Variants in DNAH12 observed in about 807,000 individuals in gnomAD.
DNAH12 encodes the protein axonemal beta dynein heavy chain 12.
DNAH12 carries 285 observed loss-of-function variants against 371.5 expected under a neutral mutation model. The observed-to-expected ratio is 0.77, with a 90% CI of 0.70 to 0.85. DNAH12 has a LOEUF of 0.85. DNAH12 is among the 40% of genes least tolerant of loss of function. DNAH12 has a pLI of 0.00. For synonymous variants in DNAH12, 1,200 were observed against 1,213.0 expected, an observed-to-expected ratio of 0.99 and a Z score of 0.22; for missense variants, 3,611 against 3,689.4, an observed-to-expected ratio of 0.98 and a Z score of 0.55.
intron 60 of DNAH12, 55 bp from the exon 61 acceptor site, chr3:57,334,995 T>C: frequency 6.7e-7 from 1 of 1,497,816 alleles, no homozygotes; most frequent in Non-Finnish European, 8.9e-7. Flanking sequence ...AATTGAATGA[T>C]GTCAACTTCC....
intron 49 of DNAH12, among the ~76,000 whole-genome samples, chr3:57,382,616 T>C (rs1291520178): frequency 1.3e-5 from 2 of 151,892 alleles, no homozygotes; most frequent in African/African-American, 4.8e-5. Flanking sequence ...GAGGGGTCAG[T>C]CATAGATGCC....
At chr3:57,500,477 C>T (rs2067502245) in intron 11 of DNAH12, among the ~76,000 whole-genome samples, 1 of 152,218 alleles carries the variant, frequency 6.6e-6, no homozygotes, top group African/African-American at 2.4e-5. Context: ...CGAACTTCAT[C>T]ATATTCTAAA....
chr3:57,382,489 G>C (rs2063413375), intron 49 of DNAH12, 96 bp from the exon 50 acceptor site: 1 of 150,402 alleles, frequency 6.6e-6, no homozygotes. Flanking sequence ...AATAATAAAA[G>C]CATCCCTTTT....
rs905740462 is a variant in DNAH12, at chr3:57,466,911, G to A, written c.2349+1825C>T. Reference sequence around the variant, plus strand: ...CAGGTGTAGCTGAATTTTTTTTACCGTGCCTGGCTAATTTTTTATTTTTTG... The same window carrying A: ...CAGGTGTAGCTGAATTTTTTTTACCATGCCTGGCTAATTTTTTATTTTTTG... On this transcript the variant is annotated intron_variant, in intron 17 of 73. Coordinates refer to ENST00000495027, the MANE Select transcript of DNAH12 (RefSeq NM_001366028.2). 4.0e-5 allele frequency among the ~76,000 whole-genome samples: 6 copies of A among 150,824 alleles called. No individual in the cohort carries two copies. The East Asian group carries it at 5.9e-4, about 15-fold the overall frequency.
intron 70 of DNAH12, among the ~76,000 whole-genome samples, chr3:57,298,276 T>C (rs1432008620): frequency 1.3e-5 from 2 of 152,120 alleles, no homozygotes; most frequent in Non-Finnish European, 2.9e-5. Context: ...TGTGACCCAA[T>C]CAAAGCCAGA....
chr3:57,512,315 A>C (rs913948521), intron 4 of DNAH12: 4 of 152,186 alleles, frequency 2.6e-5, no homozygotes, highest in African/African-American at 9.6e-5. Flanking sequence ...GAAACAGAAA[A>C]CAAAATAGTA....
At chr3:57,436,593 C>A (rs752529127) in intron 30 of DNAH12, among the ~76,000 whole-genome samples, 3 of 152,146 alleles carry the variant, frequency 2.0e-5, no homozygotes, top group Non-Finnish European at 4.4e-5. Context: ...GGAACAACTT[C>A]CAGGTATGAT....
intron 37 of DNAH12, among the ~76,000 whole-genome samples, chr3:57,415,852 G>C (rs1319451360): frequency 6.8e-6 from 1 of 147,064 alleles, no homozygotes; most frequent in African/African-American, 2.5e-5. Flanking sequence ...GCAGTGACGT[G>C]ATCTTGGCTC....
intron 43 of DNAH12, chr3:57,402,430 C>G: frequency 7.7e-7 from 1 of 1,304,902 alleles, no homozygotes; most frequent in Non-Finnish European, 1.0e-6. Flanking sequence ...CAATAAAGCT[C>G]TAAAGAAACT....
intron 11 of DNAH12, among the ~76,000 whole-genome samples, chr3:57,491,162 T>C (rs1046903977): frequency 6.6e-6 from 1 of 150,980 alleles, no homozygotes; most frequent in Non-Finnish European, 1.5e-5. Context: ...GGATAAATTT[T>C]ACCATGATGA....
rs960222010 is a variant in DNAH12, at chr3:57,301,264, T to C, written c.11394+471A>G. 8.1e-5 allele frequency among the ~76,000 whole-genome samples: 4 copies of C among 49,108 alleles called. No homozygotes were observed. The Admixed American group carries it at 1.2e-3, about 15-fold the overall frequency. The allele number at this position is 49,108 out of a possible 152,430, so 32.2% of individuals were successfully genotyped here. A position where few individuals can be genotyped will look rare whatever the true frequency, so the allele number is the denominator to read the frequency against. ...CTGGATGACAGAGCAAGACCCTGTC[T>C]CAAAAAAAAAAAAAAAAAAAAAAAA... is the stretch of plus-strand genomic sequence containing the variant. On this transcript the variant is annotated intron_variant, in intron 70 of 73. Transcript: ENST00000495027.
chr3:57,403,205 T>A (rs1209349974), intron 43 of DNAH12, 104 bp downstream of exon 43: 8 of 1,130,292 alleles, frequency 7.1e-6, no homozygotes, highest in Non-Finnish European at 9.8e-6. Context: ...AGCATCATCA[T>A]CATCACTGGA....
chr3:57,525,976 T>C (rs1314776118), intron 2 of DNAH12, among the ~76,000 whole-genome samples: 1 of 152,044 alleles, frequency 6.6e-6, no homozygotes, highest in Non-Finnish European at 1.5e-5. Context: ...TTGGCCAGGC[T>C]GGTCTCAAAC....
chr3:57,464,586 A>G lies in DNAH12; in HGVS notation c.2350-1711T>C, dbSNP rs76955702. On this transcript the variant is annotated intron_variant, in intron 17 of 73. Coordinates refer to ENST00000495027, the MANE Select transcript of DNAH12 (RefSeq NM_001366028.2). ...GAATAAATAATACTTCAATGCAAAG[A>G]CAGATGTACATCCAGCAAAAACAAC... 9.3e-3 allele frequency among the ~76,000 whole-genome samples: 1,422 copies of G among 152,300 alleles called. 25 individuals are homozygous for G. The highest frequency in any genetic ancestry group is 0.032 in the African/African-American group (1,324 of 41,572).
At chr3:57,334,661 G>A in intron 61 of DNAH12, 52 bp from the exon 62 acceptor site, 1 of 1,514,562 alleles carries the variant, frequency 6.6e-7, no homozygotes, top group Non-Finnish European at 8.8e-7. Context: ...AAACTTAAAA[G>A]AGATTGTTGA....
chr3:57,534,915 A>G (rs969120055), intron 2 of DNAH12, among the ~76,000 whole-genome samples: 2 of 152,086 alleles, frequency 1.3e-5, no homozygotes, highest in African/African-American at 4.8e-5. Flanking sequence ...GTTCATGTTT[A>G]CTTATCTGGT....
chr3:57,543,446 C>G (rs1478760798), intron 1 of DNAH12, among the ~76,000 whole-genome samples: 1 of 150,070 alleles, frequency 6.7e-6, no homozygotes. Flanking sequence ...CTTCAGCCTC[C>G]CGAGTAGCTA....
chr3:57,454,684 G>T, intron 23 of DNAH12, 91 bp downstream of exon 23: 1 of 1,482,104 alleles, frequency 6.7e-7, no homozygotes, highest in Non-Finnish European at 9.1e-7. Flanking sequence ...AGCCTGGGTA[G>T]CATAGCAAGA....
chr3:57,347,509 A>T (rs2062569573), intron 60 of DNAH12, among the ~76,000 whole-genome samples: 1 of 152,114 alleles, frequency 6.6e-6, no homozygotes, highest in Non-Finnish European at 1.5e-5. Flanking sequence ...TGAGGTCAGG[A>T]GTTTGTGACC....
Sources: allele counts gnomAD v4.1 joint callset (sites outside exome capture counted in the v4.1 genomes callset), GRCh38; gene constraint gnomAD v4.1.1; transcripts MANE v1.5; gene names NCBI Gene and HGNC (gene_info 2026-07-23, HGNC 2026-07-21).